FXYD4: variants seen among roughly 807,000 people sequenced by gnomAD.
FXYD4 encodes FXYD domain containing ion transport regulator 4.
A neutral mutation model predicts 18.3 loss-of-function variants in FXYD4; 14 were observed. The ratio of observed to expected loss-of-function variants is 0.77; its 90% CI spans 0.51 to 1.20. The LOEUF (loss-of-function observed/expected upper bound fraction) is 1.20, where lower values mean the gene tolerates loss of function less well. Among genes scored for constraint, FXYD4 ranks in the 50% most tolerant of loss-of-function variants. The probability of loss-of-function intolerance (pLI) is 0.00; values close to 1 mark genes in which losing one functional copy is unlikely to be tolerated. For synonymous variants in FXYD4, 40 were observed against 40.5 expected (o/e 0.99, Z 0.04); for missense variants, 99 against 106.1 (o/e 0.93, Z 0.29).
intron 1 of FXYD4, among the ~76,000 whole-genome samples, chr10:43,371,994 G>A (rs751002955): frequency 2.4e-4 from 36 of 150,846 alleles, no homozygotes; most frequent in Non-Finnish European, 4.4e-4. Context: ...GCAGTGAGCC[G>A]AGATCACGCC....
At position 43,376,209 on chromosome 10, in the gene FXYD4, G is replaced by GC; in HGVS notation, c.*48dup. On this transcript the variant is annotated 3_prime_UTR_variant, in exon 9 of 9. Transcript: ENST00000476166. ...AGGGATGGCCTGAAGCCTAACACTG[G>GC]CCCCCAGCACCTCCTCCCCTGGGAG... The GC allele has an allele frequency of 6.2e-7, 1 of 1,609,220 alleles. No homozygotes were observed. The highest frequency in any genetic ancestry group is 8.5e-7 in the Non-Finnish European group (1 of 1,177,068).
intron 3 of FXYD4, 122 bp downstream of exon 3, chr10:43,373,905 A>T (rs1052569047): frequency 1.0e-5 from 8 of 771,858 alleles, no homozygotes; most frequent in Non-Finnish European, 1.9e-5. Context: ...TTAAACTGCC[A>T]ATTTAGAGAG....
chr10:43,376,133 G>T lies in FXYD4; in HGVS notation c.251-14G>T, dbSNP rs749470070. The T allele has an allele frequency of 1.9e-5, 31 of 1,613,922 alleles. No individual in the cohort carries two copies. Among genetic ancestry groups the T allele is most frequent in the Non-Finnish European group, 2.5e-5 (30 of 1,179,972 alleles). ...AAGGACTGTGTCTGATGGCCTGCCC[G>T]CCACTCTCCGCAGGCTCTGCCACTA... On this transcript the variant is annotated splice_polypyrimidine_tract_variant and intron_variant, in intron 8 of 8. Coordinates refer to ENST00000476166, the MANE Select transcript of FXYD4 (RefSeq NM_173160.3).
intron 5 of FXYD4, 98 bp from the exon 6 acceptor site, chr10:43,375,401 A>G (rs1446791296): frequency 6.9e-6 from 6 of 866,994 alleles, no homozygotes; most frequent in Non-Finnish European, 9.8e-6. Context: ...CTTTATGTAT[A>G]TGGCAGCGGC....
At chr10:43,374,817 C>A (rs1378245356) in intron 5 of FXYD4, among the ~76,000 whole-genome samples, 178 bp downstream of exon 5, 1 of 151,708 alleles carries the variant, frequency 6.6e-6, no homozygotes, top group Non-Finnish European at 1.5e-5. Flanking sequence ...TGCTTAGGAA[C>A]CCTCCTGGAG....
Position 43,376,274 on chromosome 10 carries a change from T to C in FXYD4, c.*108T>C. ...GAAGGACTTCTCTCCAAGGGCAGGCTGTTAGGCCCCTTTCTGATCAGGAGG... is the reference window on the plus strand; with the variant it reads ...GAAGGACTTCTCTCCAAGGGCAGGCCGTTAGGCCCCTTTCTGATCAGGAGG... On this transcript the variant is annotated 3_prime_UTR_variant, in exon 9 of 9. Coordinates refer to ENST00000476166, the MANE Select transcript of FXYD4 (RefSeq NM_173160.3). 1 of 1,198,046 alleles carries C rather than the reference T, an allele frequency of 8.3e-7. No homozygotes were observed. Among genetic ancestry groups the C allele is most frequent in the Non-Finnish European group, 1.2e-6 (1 of 814,738 alleles). 74.2% of individuals were successfully genotyped at this position (1,198,046 alleles called of 1,614,324 possible).
rs1564389216 is a variant in FXYD4, at chr10:43,375,676, A to C, written c.173-19A>C. On this transcript the variant is annotated intron_variant, in intron 6 of 8. Transcript: ENST00000476166. ...CATTCCAGCACTGACCCTGGCGCTG[A>C]CCCCTCTCTCTCTCCCAGGTGGCAA... 1 of 1,613,802 alleles carries C rather than the reference A, an allele frequency of 6.2e-7. No homozygotes were observed. The highest frequency in any genetic ancestry group is 8.5e-7 in the Non-Finnish European group (1 of 1,179,746).
At chr10:43,374,541 C>T (rs1347564663) in intron 4 of FXYD4, 39 bp downstream of exon 4, 1 of 1,612,604 alleles carries the variant, frequency 6.2e-7, no homozygotes, top group Non-Finnish European at 8.5e-7. Flanking sequence ...ACTCTGCCCA[C>T]ATCTCCCCTC....
At chr10:43,375,274 G>C (rs539799556) in intron 5 of FXYD4, among the ~76,000 whole-genome samples, 1 of 151,964 alleles carries the variant, frequency 6.6e-6, no homozygotes, top group Admixed American at 6.6e-5. Context: ...TGATCTGCCC[G>C]CCTCGGCCTC....
chr10:43,374,458 C>T lies in FXYD4; in HGVS notation c.38-12C>T, dbSNP rs1262872191. The T allele has an allele frequency of 4.3e-6, 7 of 1,613,768 alleles. No homozygotes were observed. The highest frequency in any genetic ancestry group is 3.4e-6 in the Non-Finnish European group (4 of 1,179,728). On this transcript the variant is annotated splice_polypyrimidine_tract_variant and intron_variant, in intron 3 of 8. Coordinates refer to ENST00000476166, the MANE Select transcript of FXYD4 (RefSeq NM_173160.3). ...TGAATTCCCACACATTTTCTCTGCT[C>T]CTCCCACACAGGCCTGACTGCCTTG...
chr10:43,375,665 C>A (rs1244914553), intron 6 of FXYD4, 30 bp from the exon 7 acceptor site: 1 of 1,613,726 alleles, frequency 6.2e-7, no homozygotes, highest in Admixed American at 1.7e-5. Context: ...CCAGCACTGA[C>A]CCTGGCGCTG....
chr10:43,373,610 C>T lies in FXYD4; in HGVS notation c.-137C>T. ...TCCTTGGGGTTTGTACACCTACTTTCACCATGGGGCTCTGCCTGCCCCCGC... is the reference window on the plus strand; with the variant it reads ...TCCTTGGGGTTTGTACACCTACTTTTACCATGGGGCTCTGCCTGCCCCCGC... On this transcript the variant is annotated 5_prime_UTR_variant, in exon 3 of 9. Transcript: ENST00000476166. 1.4e-6 allele frequency: 1 copy of T among 718,942 alleles called. No homozygotes were observed. Among genetic ancestry groups the T allele is most frequent in the Non-Finnish European group, 2.6e-6 (1 of 390,122 alleles). The allele number at this position is 718,942 out of a possible 1,614,324, so 44.5% of individuals were successfully genotyped here.
At chr10:43,374,580 G>T in intron 4 of FXYD4, 33 bp from the exon 5 acceptor site, 3 of 1,613,408 alleles carry the variant, frequency 1.9e-6, no homozygotes, top group Non-Finnish European at 2.5e-6. Context: ...TCCTGGTTCT[G>T]GTTCTGAAGT....
In FXYD4 at chr10:43,373,596, T is replaced by G; in HGVS notation, c.-151T>G. 1.4e-6 allele frequency: 1 copy of G among 693,118 alleles called. No homozygotes were observed. The highest frequency in any genetic ancestry group is 2.6e-6 in the Non-Finnish European group (1 of 378,626). The allele number at this position is 693,118 out of a possible 1,614,324, so 42.9% of individuals were successfully genotyped here. On this transcript the variant is annotated 5_prime_UTR_variant, in exon 3 of 9. Transcript: ENST00000476166. ...CACAAGCAAGTGTATCCTTGGGGTT[T>G]GTACACCTACTTTCACCATGGGGCT...
intron 5 of FXYD4, 104 bp downstream of exon 5, chr10:43,374,743 G>A: frequency 2.2e-6 from 2 of 927,416 alleles, no homozygotes; most frequent in Non-Finnish European, 3.6e-6. Context: ...GACAAAGTGG[G>A]ATGGGGGATT....
chr10:43,376,002 G>A (rs759954745), intron 7 of FXYD4, 30 bp from the exon 8 acceptor site: 2 of 1,613,190 alleles, frequency 1.2e-6, no homozygotes, highest in African/African-American at 1.3e-5. Context: ...AGGCTAACCT[G>A]ATACTACTCT....
intron 3 of FXYD4, among the ~76,000 whole-genome samples, 159 bp from the exon 4 acceptor site, chr10:43,374,311 G>T (rs1033953103): frequency 6.6e-6 from 1 of 152,218 alleles, no homozygotes; most frequent in Non-Finnish European, 1.5e-5. Context: ...CTTGGGCGGG[G>T]CCACACCCTG....
chr10:43,374,771 G>A (rs1215127942), intron 5 of FXYD4, 132 bp downstream of exon 5: 8 of 799,974 alleles, frequency 1.0e-5, no homozygotes, highest in Admixed American at 1.8e-5. Context: ...GTCTCTGTGA[G>A]AGCGTCGCTC....
chr10:43,375,486 G>A lies in FXYD4; in HGVS notation c.98-13G>A, dbSNP rs770764286. The A allele has an allele frequency of 1.9e-6, 3 of 1,611,088 alleles. No homozygotes were observed. Among genetic ancestry groups the A allele is most frequent in the South Asian group, 1.1e-5 (1 of 91,012 alleles). On this transcript the variant is annotated splice_polypyrimidine_tract_variant and intron_variant, in intron 5 of 8. Transcript: ENST00000476166. ...CCAGGCTGGTGCAAGCTCACTCTCT[G>A]TACCCACCCCAGACTGGAAAAACCT...
Sources: gnomAD v4.1 joint callset for allele counts (sites outside exome capture counted in the v4.1 genomes callset) on GRCh38, gnomAD v4.1.1 for gene constraint, MANE v1.5 for transcripts, NCBI Gene and HGNC (gene_info 2026-07-23, HGNC 2026-07-21) for gene names.